Variants in UTP20 observed in about 807,000 individuals in gnomAD.
The protein encoded by UTP20 is small subunit processome component 20 homolog.
Under a neutral mutation model 329.5 loss-of-function variants are expected in UTP20, and 164 were observed. The observed-to-expected ratio is 0.50, with a 90% CI of 0.44 to 0.57. The LOEUF is 0.57. Ranked by LOEUF, UTP20 falls within the 20% of genes least tolerant of loss-of-function variation. The pLI is 0.00. For synonymous variants in UTP20, 1,151 were observed against 1,159.3 expected (o/e 0.99, Z 0.14); for missense variants, 3,055 against 3,284.2 (o/e 0.93, Z 1.71).
intron 43 of UTP20, among the ~76,000 whole-genome samples, chr12:101,359,533 T>C (rs1869844900): frequency 6.6e-6 from 1 of 151,836 alleles, no homozygotes; most frequent in Non-Finnish European, 1.5e-5. Flanking sequence ...CTTCTTCCAC[T>C]CTGTTTAGGT....
rs1394012279 is a variant in UTP20 at position 101,363,504 on chromosome 12, T to A, written c.5791-72T>A. On this transcript the variant is annotated intron_variant, in intron 44 of 61. Transcript: ENST00000261637. ...TTGATTTGGACATACCAGGGCCTTTTTTCAGTGACTGCTTATGTTGGCATA... is the reference window on the plus strand; with the variant it reads ...TTGATTTGGACATACCAGGGCCTTTATTCAGTGACTGCTTATGTTGGCATA... 19 of 1,423,838 alleles carry A rather than the reference T, an allele frequency of 1.3e-5. No individual in the cohort carries two copies. In the East Asian group the frequency reaches 4.0e-4, roughly 30 times the overall value. 88.2% of individuals were successfully genotyped at this position (1,423,838 alleles called of 1,614,324 possible). A position where few individuals can be genotyped will look rare whatever the true frequency, so the allele number is the denominator to read the frequency against.
chr12:101,332,987 G>T (rs1473895974), intron 27 of UTP20, among the ~76,000 whole-genome samples: 2 of 152,232 alleles, frequency 1.3e-5, no homozygotes, highest in Admixed American at 6.5e-5. Context: ...AAGAAATCAG[G>T]ATTTTACTTG....
intron 18 of UTP20, among the ~76,000 whole-genome samples, chr12:101,308,633 C>CAGGT (rs145296032): frequency 2.3e-3 from 345 of 151,748 alleles, no homozygotes; most frequent in African/African-American, 7.6e-3. Flanking sequence ...CTGAGTGACG[C>CAGGT]AGGTAGGTAG....
chr12:101,299,962 C>T lies in UTP20; in HGVS notation c.1587-11C>T. 6 of 1,613,994 alleles carry T rather than the reference C, an allele frequency of 3.7e-6. No individual in the cohort carries two copies. Among genetic ancestry groups the T allele is most frequent in the Non-Finnish European group, 4.2e-6 (5 of 1,179,926 alleles). On this transcript the variant is annotated splice_polypyrimidine_tract_variant and intron_variant, in intron 13 of 61. Transcript: ENST00000261637. The stretch of plus-strand genomic sequence containing the variant: ...AGTTTGAACTTTTCCCTTTTTCTCC[C>T]CCTTGGACAGACCTCTTGAGAAAGA...
intron 56 of UTP20, among the ~76,000 whole-genome samples, 167 bp downstream of exon 56, chr12:101,375,923 T>C (rs1429349217): frequency 6.6e-6 from 1 of 152,158 alleles, no homozygotes; most frequent in Non-Finnish European, 1.5e-5. Flanking sequence ...ACAGTGAAAA[T>C]GTTCCCTTCT....
At chr12:101,287,429 T>A (rs1450495510) in intron 5 of UTP20, among the ~76,000 whole-genome samples, 2 of 152,268 alleles carry the variant, frequency 1.3e-5, no homozygotes, top group African/African-American at 4.8e-5. Flanking sequence ...CTGCCACTTT[T>A]ATGTCTCCTA....
chr12:101,370,625 C>T (rs942201729), intron 50 of UTP20, 62 bp downstream of exon 50: 6 of 1,530,634 alleles, frequency 3.9e-6, no homozygotes, highest in Non-Finnish European at 5.3e-6. Flanking sequence ...ATATTTTGAA[C>T]ACATAGATCA....
At chr12:101,349,571 T>C (rs926911209) in intron 38 of UTP20, among the ~76,000 whole-genome samples, 10 of 152,122 alleles carry the variant, frequency 6.6e-5, no homozygotes, top group Admixed American at 2.0e-4. Context: ...CTCTGGTAAC[T>C]GGGACTACAG....
intron 25 of UTP20, among the ~76,000 whole-genome samples, chr12:101,323,104 A>G (rs1405638259): frequency 6.6e-6 from 1 of 152,214 alleles, no homozygotes; most frequent in Non-Finnish European, 1.5e-5. Context: ...ATGATATTTT[A>G]TAAAACGTTT....
At chr12:101,385,519 T>G (rs747922622) in intron 60 of UTP20, 64 bp from the exon 61 acceptor site, 3 of 1,534,440 alleles carry the variant, frequency 2.0e-6, no homozygotes, top group Non-Finnish European at 2.6e-6. Flanking sequence ...ATTGTTGATT[T>G]TGTTGATGTT....
intron 5 of UTP20, among the ~76,000 whole-genome samples, chr12:101,287,193 G>T (rs1269727073): frequency 6.6e-6 from 1 of 152,176 alleles, no homozygotes; most frequent in South Asian, 2.1e-4. Flanking sequence ...TGTATGCATG[G>T]TATGGGACAA....
chr12:101,281,155 G>T lies in UTP20; in HGVS notation c.85G>T (p.Asp29Tyr). The change falls in exon 2 of 62, where the codon GAT becomes TAT. Residue 29 changes from aspartate to tyrosine, a missense_variant. Around this residue, in one of 3 missense-constraint regions of UTP20, gnomAD observed 2,445 missense variants for 2,575.5 expected, o/e 0.95. Coordinates refer to ENST00000261637, the MANE Select transcript of UTP20 (RefSeq NM_014503.3). ...FAERLGNVNIDIIHRIDRTAS... is the reference protein window; with the variant it reads ...FAERLGNVNIYIIHRIDRTAS... ...TGAACGACTGGGGAATGTTAATATTGATATTATTCACCGGATTGATAGAAC... is the reference window on the plus strand; with the variant it reads ...TGAACGACTGGGGAATGTTAATATTTATATTATTCACCGGATTGATAGAAC... 1.2e-6 allele frequency: 2 copies of T among 1,612,970 alleles called. No individual in the cohort carries two copies. The highest frequency in any genetic ancestry group is 8.5e-7 in the Non-Finnish European group (1 of 1,179,454).
At chr12:101,348,067 G>C (rs1869390105) in intron 38 of UTP20, among the ~76,000 whole-genome samples, 1 of 152,202 alleles carries the variant, frequency 6.6e-6, no homozygotes, top group South Asian at 2.1e-4. Flanking sequence ...GACCTTAGGT[G>C]ATCTGCCCAC....
intron 56 of UTP20, among the ~76,000 whole-genome samples, chr12:101,376,783 G>A (rs111729795): frequency 0.029 from 4,487 of 152,254 alleles, 116 homozygotes; most frequent in South Asian, 0.047. Context: ...CCAAGTAGCT[G>A]GGATTACAGG....
intron 38 of UTP20, among the ~76,000 whole-genome samples, chr12:101,350,317 C>T (rs909570874): frequency 1.3e-5 from 2 of 152,030 alleles, no homozygotes; most frequent in Non-Finnish European, 2.9e-5. Flanking sequence ...CAGGTGTACA[C>T]CACTGCACCT....
At chr12:101,320,570 A>C (rs781103744) in intron 23 of UTP20, among the ~76,000 whole-genome samples, 1 of 151,808 alleles carries the variant, frequency 6.6e-6, no homozygotes, top group Non-Finnish European at 1.5e-5. Context: ...AAAAAAGAGA[A>C]AGAGAGAGAG....
At position 101,327,259 on chromosome 12, in the gene UTP20, CTACCTCTCACTCTAA is replaced by C; in HGVS notation, c.3208+18_3208+32del. On this transcript the variant is annotated intron_variant, in intron 26 of 61. Coordinates refer to ENST00000261637, the MANE Select transcript of UTP20 (RefSeq NM_014503.3). Reference sequence around the variant, plus strand: ...GCATTTCAAGAATGGTAACTATCAGCTACCTCTCACTCTAATACCTGTTGTCTGCGGTGGACTTCT... The same window carrying C: ...GCATTTCAAGAATGGTAACTATCAGCTACCTGTTGTCTGCGGTGGACTTCT... 1 of 1,581,894 alleles carries C rather than the reference CTACCTCTCACTCTAA, an allele frequency of 6.3e-7. No individual in the cohort carries two copies.
chr12:101,315,111 A>C (rs1298967258), intron 21 of UTP20, among the ~76,000 whole-genome samples: 1 of 152,032 alleles, frequency 6.6e-6, no homozygotes, highest in Non-Finnish European at 1.5e-5. Context: ...TCCCAAAAAA[A>C]GACTTAACTG....
intron 57 of UTP20, among the ~76,000 whole-genome samples, chr12:101,380,384 CAAAA>C (rs1049437299): frequency 4.4e-4 from 65 of 147,984 alleles, no homozygotes; most frequent in African/African-American, 1.5e-3. Flanking sequence ...CTCAAAAAAA[CAAAA>C]AGAAAGAAAG....
Sources: gnomAD v4.1 joint callset for allele counts (sites outside exome capture counted in the v4.1 genomes callset) on GRCh38, gnomAD v4.1.1 for gene constraint, gnomAD v4.1.1 regional missense constraint, MANE v1.5 for transcripts, NCBI Gene and HGNC (gene_info 2026-07-23, HGNC 2026-07-21) for gene names.